The following XPO6 variants were observed in gnomAD, a reference collection of about 807,000 sequenced individuals.
XPO6 encodes exportin-6.
XPO6 carries 3 observed loss-of-function variants against 130.0 expected under a neutral mutation model. That is an observed-to-expected ratio of 0.02 (90% CI 0.01 to 0.06). The LOEUF is 0.06. Among genes scored for constraint, XPO6 ranks in the 10% least tolerant of loss-of-function variants. The pLI, the probability that XPO6 is intolerant of heterozygous loss-of-function variation, is 1.00. For synonymous variants in XPO6, 524 were observed against 548.9 expected, an observed-to-expected ratio of 0.95 and a Z score of 0.63; for missense variants, 970 against 1,393.0, an observed-to-expected ratio of 0.70 and a Z score of 4.83.
chr16:28,125,290 T>C (rs1245170296), intron 13 of XPO6, among the ~76,000 whole-genome samples: 3 of 152,240 alleles, frequency 2.0e-5, no homozygotes. Context: ...GCTTTCTTAA[T>C]ATCTCTTTAT....
At chr16:28,130,491 T>C (rs2042645233) in intron 12 of XPO6, among the ~76,000 whole-genome samples, 1 of 152,192 alleles carries the variant, frequency 6.6e-6, no homozygotes, top group Admixed American at 6.5e-5. Flanking sequence ...ACTCAGAGTT[T>C]CCATTTGTTA....
At chr16:28,179,065 CA>C (rs36053876) in intron 2 of XPO6, 42 of 141,982 alleles carry the variant, frequency 3.0e-4, no homozygotes, top group African/African-American at 5.6e-4. Flanking sequence ...GGCACCATTT[CA>C]AAAAAAAAAA....
At position 28,104,559 on chromosome 16, in the gene XPO6, C is replaced by T. The variant is rs750806090; in HGVS notation, c.2933G>A (p.Ser978Asn). 2 of 1,614,228 alleles carry T rather than the reference C, an allele frequency of 1.2e-6. No individual in the cohort carries two copies. The highest frequency in any genetic ancestry group is 8.5e-7 in the Non-Finnish European group (1 of 1,180,036). Reference protein sequence around the residue: ...EEQMENEPQFSAIMQAFGQSF... With the variant: ...EEQMENEPQFNAIMQAFGQSF... ...CCCCCACGTTACCTGCATGATGGCA[C>T]TGAACTGGGGCTCATTCTCCATCTG... The change falls in exon 21 of 24, where the codon AGT becomes AAT. Residue 978 changes from serine to asparagine, a missense_variant. Around this residue, in one of 4 missense-constraint regions of XPO6, gnomAD observed 936 missense variants for 1,306.8 expected, o/e 0.72. Transcript: ENST00000304658.
In XPO6 at chr16:28,106,434, C is replaced by T. The variant is rs1205222689; in HGVS notation, c.2561G>A (p.Gly854Asp). The change falls in exon 19 of 24, where the codon GGT becomes GAT. Residue 854 changes from glycine to aspartate, a missense_variant. By Grantham distance (94) the Gly-to-Asp change is moderately conservative. Coordinates refer to ENST00000304658, the MANE Select transcript of XPO6 (RefSeq NM_015171.4). This position sits in a 1 kb window ranked among gnomAD's most constrained non-coding sequence, Gnocchi z 4.2. ...TLFRGLRVQM[G>D]VPFTEQIIQT... Reference sequence around the variant, plus strand: ...TATGATTTGCTCAGTGAAAGGCACACCCATCTGTACTCTAAGGCCTCGAAA... The same window carrying T: ...TATGATTTGCTCAGTGAAAGGCACATCCATCTGTACTCTAAGGCCTCGAAA... The T allele has an allele frequency of 1.2e-6, 2 of 1,614,222 alleles. No homozygotes were observed. The highest frequency in any genetic ancestry group is 2.2e-5 in the South Asian group (2 of 91,088).
At position 28,101,527 on chromosome 16, in the gene XPO6, G is replaced by A. The variant is rs1419067216; in HGVS notation, c.3207C>T (p.Phe1069=). ...DGFFAAFLPE[F]LTSCDGVDAN... The stretch of plus-strand genomic sequence containing the variant: ...CATCCACACCATCACAGCTGGTCAG[G>A]AACTCTGGGAGGAAGGCGGCAAAGA... Residue 1069 remains phenylalanine, a synonymous_variant, in exon 23 of 24, where the codon TTC becomes TTT. Coordinates refer to ENST00000304658, the MANE Select transcript of XPO6 (RefSeq NM_015171.4). The surrounding 1 kb of genome is among the most constrained non-coding windows in gnomAD (Gnocchi z 5.4). The A allele has an allele frequency of 6.2e-7, 1 of 1,614,240 alleles. No individual in the cohort carries two copies. Among genetic ancestry groups the A allele is most frequent in the East Asian group, 2.2e-5 (1 of 44,878 alleles).
Position 28,106,507 on chromosome 16 carries a change from G to C in XPO6, c.2498-10C>G, listed in dbSNP as rs1567591815. On this transcript the variant is annotated splice_polypyrimidine_tract_variant and intron_variant, in intron 18 of 23. Coordinates refer to ENST00000304658, the MANE Select transcript of XPO6 (RefSeq NM_015171.4). This position sits in a 1 kb window ranked among gnomAD's most constrained non-coding sequence, Gnocchi z 4.2. ...ATCTCATCAGTCACATCTGAGGAAAGGGGCAGAGATATCGTCAGAGGCTTG... is the reference window on the plus strand; with the variant it reads ...ATCTCATCAGTCACATCTGAGGAAACGGGCAGAGATATCGTCAGAGGCTTG... 6.2e-7 allele frequency: 1 copy of C among 1,609,698 alleles called. No homozygotes were observed.
chr16:28,145,257 G>A (rs1305882612), intron 9 of XPO6, among the ~76,000 whole-genome samples: 1 of 152,158 alleles, frequency 6.6e-6, no homozygotes, highest in South Asian at 2.1e-4. Flanking sequence ...CTGAGACTAT[G>A]ATGGGTATGT....
chr16:28,115,787 T>G (rs543415376), intron 15 of XPO6, among the ~76,000 whole-genome samples: 4 of 152,248 alleles, frequency 2.6e-5, no homozygotes, highest in Non-Finnish European at 5.9e-5. Context: ...GAAAATCTGT[T>G]GTTTAGTATG....
chr16:28,132,249 C>T lies in XPO6; in HGVS notation c.1606+85G>A. The T allele has an allele frequency of 6.7e-6, 7 of 1,043,280 alleles. No individual in the cohort carries two copies. Among genetic ancestry groups the T allele is most frequent in the Non-Finnish European group, 7.2e-6 (5 of 697,896 alleles). 64.6% of individuals were successfully genotyped at this position (1,043,280 alleles called of 1,614,324 possible). A position where few individuals can be genotyped will look rare whatever the true frequency, so the allele number is the denominator to read the frequency against. On this transcript the variant is annotated intron_variant, in intron 12 of 23. Transcript: ENST00000304658. The surrounding 1 kb of genome is among the most constrained non-coding windows in gnomAD (Gnocchi z 4.0). ...GAGGCTGCAGTGAAGAAATCATGTT[C>T]CGACAGCAACGGCAGCAGTAATGAA...
In XPO6 at chr16:28,179,547, C is replaced by A. The variant is rs149719058; in HGVS notation, c.94+1394G>T. On this transcript the variant is annotated intron_variant, in intron 2 of 23. Coordinates refer to ENST00000304658, the MANE Select transcript of XPO6 (RefSeq NM_015171.4). ...TCTGACCCCAGGTGAGTCACTGCTC[C>A]CCCTTGATGCTTCTGTTTCCTCCAC... 4.5e-3 allele frequency among the ~76,000 whole-genome samples: 689 copies of A among 152,236 alleles called. 7 individuals carry two copies. Among genetic ancestry groups the A allele is most frequent in the African/African-American group, 0.016 (669 of 41,548 alleles).
chr16:28,157,809 G>A (rs554625186), intron 6 of XPO6, among the ~76,000 whole-genome samples: 9 of 152,296 alleles, frequency 5.9e-5, no homozygotes, highest in East Asian at 5.8e-4. Flanking sequence ...TTCACAAGGC[G>A]GTGCAGGAAG....
At chr16:28,169,388 T>C (rs2141850318) in intron 5 of XPO6, among the ~76,000 whole-genome samples, 1 of 152,354 alleles carries the variant, frequency 6.6e-6, no homozygotes, top group African/African-American at 2.4e-5. Context: ...CATATCCTCC[T>C]ACTCCAACTT....
chr16:28,184,599 T>TAAAAAAAAAA (rs775780148), intron 1 of XPO6, among the ~76,000 whole-genome samples: 1 of 99,266 alleles, frequency 1.0e-5, no homozygotes, highest in African/African-American at 3.9e-5. Context: ...AACAAATCAG[T>TAAAAAAAAAA]AAAAAAAAAA....
intron 6 of XPO6, among the ~76,000 whole-genome samples, chr16:28,165,871 T>C (rs2043348940): frequency 6.6e-6 from 1 of 152,216 alleles, no homozygotes; most frequent in Non-Finnish European, 1.5e-5. Flanking sequence ...AATTTCCTCT[T>C]TCCATCCATC....
At chr16:28,156,550 A>G in intron 6 of XPO6, 23 bp from the exon 7 acceptor site, 1 of 1,512,122 alleles carries the variant, frequency 6.6e-7, no homozygotes, top group East Asian at 2.3e-5. Flanking sequence ...AAGGCTTTTA[A>G]GCTATCCAGC....
chr16:28,122,409 T>G (rs1567603861), intron 13 of XPO6, among the ~76,000 whole-genome samples: 1 of 151,984 alleles, frequency 6.6e-6, no homozygotes, highest in Non-Finnish European at 1.5e-5. Flanking sequence ...ATCACTTGAG[T>G]CCAGGAGTTC....
chr16:28,175,152 C>T (rs2043513513), intron 4 of XPO6, among the ~76,000 whole-genome samples: 1 of 152,106 alleles, frequency 6.6e-6, no homozygotes, highest in Non-Finnish European at 1.5e-5. Flanking sequence ...CCTCCCTTCT[C>T]TCCCCTCTCA....
chr16:28,138,097 G>A (rs987132383), intron 9 of XPO6, among the ~76,000 whole-genome samples: 1 of 151,866 alleles, frequency 6.6e-6, no homozygotes. Context: ...TGCCGGCAGG[G>A]AAAAAGGCAC....
intron 23 of XPO6, among the ~76,000 whole-genome samples, chr16:28,099,012 C>T (rs1374335277): frequency 2.6e-5 from 4 of 152,222 alleles, no homozygotes; most frequent in Admixed American, 2.6e-4. Flanking sequence ...ACTGAAGAGA[C>T]CAGCACACTT....
Sources: gnomAD v4.1 joint callset for allele counts (sites outside exome capture counted in the v4.1 genomes callset) on GRCh38, gnomAD v4.1.1 for gene constraint, gnomAD v4.1.1 regional missense constraint, Gnocchi (gnomAD v3.1) non-coding constraint, MANE v1.5 for transcripts, NCBI Gene and HGNC (gene_info 2026-07-23, HGNC 2026-07-21) for gene names.